STK25: variants seen among roughly 807,000 people sequenced by gnomAD.
The protein encoded by STK25 is serine/threonine kinase 25.
In STK25, 29 loss-of-function variants were observed where a neutral mutation model predicts 53.8. The observed-to-expected ratio is 0.54, with a 90% CI of 0.40 to 0.74. The LOEUF is 0.74. STK25 is among the 30% of genes least tolerant of loss of function. STK25 has a pLI of 0.00. For synonymous variants in STK25, 247 were observed against 238.3 expected (o/e 1.04, Z -0.33); for missense variants, 420 against 568.0 (o/e 0.74, Z 2.65).
rs2065008211 is a variant in STK25, at chr2:241,493,518, G to A, written c.*2144C>T. 9.6e-6 allele frequency: 14 copies of A among 1,464,256 alleles called. No homozygotes were observed. Among genetic ancestry groups the A allele is most frequent in the Non-Finnish European group, 1.3e-5 (14 of 1,050,898 alleles). The allele number at this position is 1,464,256 out of a possible 1,614,324, so 90.7% of individuals were successfully genotyped here. On this transcript the variant is annotated 3_prime_UTR_variant, in exon 12 of 12. Transcript: ENST00000316586. ...CTCAGCTCCCATTTCTACTCATGGT[G>A]GTGGAGGCAAGTTTTCTGGGCCCTG...
At chr2:241,508,335 CCTCCCGGTG>C in intron 1 of STK25, 99 bp downstream of exon 1, 1 of 1,190,794 alleles carries the variant, frequency 8.4e-7, no homozygotes. Flanking sequence ...AAGGCAGCTT[CCTCCCGGTG>C]CCCCCGCCCC....
chr2:241,506,336 G>A lies in STK25; in HGVS notation c.30+1670C>T, dbSNP rs554043033. ...GGACAAAAGGAGCTTCCTACCTTTGGAATCCCTTCTCCAATGTGCCCGCAC... is the reference window on the plus strand; with the variant it reads ...GGACAAAAGGAGCTTCCTACCTTTGAAATCCCTTCTCCAATGTGCCCGCAC... On this transcript the variant is annotated intron_variant, in intron 2 of 11. Transcript: ENST00000316586. 2.4e-4 allele frequency among the ~76,000 whole-genome samples: 36 copies of A among 152,320 alleles called. 1 individual carries two copies. The South Asian group carries it at 7.5e-3, about 32-fold the overall frequency.
At chr2:241,495,807 A>C (rs1054477822) in intron 11 of STK25, 106 bp from the exon 12 acceptor site, 1 of 1,168,732 alleles carries the variant, frequency 8.6e-7, no homozygotes, top group African/African-American at 1.5e-5. Flanking sequence ...AAGCCACCGC[A>C]CCACGTGGGT....
In STK25 at chr2:241,499,533, C is replaced by G. The variant is rs962792190; in HGVS notation, c.428-119G>C. 14 of 1,327,576 alleles carry G rather than the reference C, an allele frequency of 1.1e-5. No homozygotes were observed. In the Admixed American group the frequency reaches 2.7e-4, roughly 25 times the overall value. The allele number at this position is 1,327,576 out of a possible 1,614,324, so 82.2% of individuals were successfully genotyped here. The stretch of plus-strand genomic sequence containing the variant: ...TCCTAGGGCACAGCAGGGCTGTCCT[C>G]AGGACCTCAGCCCTCCTTGCCACTC... On this transcript the variant is annotated intron_variant, in intron 5 of 11. Transcript: ENST00000316586.
At chr2:241,499,724 T>C (rs1215606178) in intron 5 of STK25, 1 of 501,634 alleles carries the variant, frequency 2.0e-6, no homozygotes, top group East Asian at 3.7e-5. Flanking sequence ...ACCAAGGGTG[T>C]AGCCAACACG....
At chr2:241,500,053 A>G (rs2065414791) in intron 5 of STK25, 120 bp downstream of exon 5, 2 of 811,354 alleles carry the variant, frequency 2.5e-6, no homozygotes, top group Admixed American at 1.9e-5. Flanking sequence ...GGGTGGCCAC[A>G]AGGTTCTCTA....
chr2:241,501,225 C>T lies in STK25; in HGVS notation c.261+253G>A, dbSNP rs1485984160. On this transcript the variant is annotated intron_variant, in intron 3 of 11. Transcript: ENST00000316586. This position sits in a 1 kb window ranked among gnomAD's most constrained non-coding sequence, Gnocchi z 5.3. ...GCCCACTCACCACTGCCAGTAGGGG[C>T]CCCCCAGAGTGCTCCTAGCAGCGCC... 2 of 573,402 alleles carry T rather than the reference C, an allele frequency of 3.5e-6. No homozygotes were observed. The highest frequency in any genetic ancestry group is 6.3e-6 in the Non-Finnish European group (2 of 318,174). 35.5% of individuals were successfully genotyped at this position (573,402 alleles called of 1,614,324 possible). A position where few individuals can be genotyped will look rare whatever the true frequency, so the allele number is the denominator to read the frequency against.
rs1288321591 is a variant in STK25 at position 241,499,335 on chromosome 2, C to G, written c.507G>C (p.Gln169His). ...FGVAGQLTDT[Q>H]IKRNTFVGTP... ...TGCCCACGAATGTGTTCCTCTTAAT[C>G]TGCGTGTCTGTGAGCTGCCCTGCTA... is the stretch of plus-strand genomic sequence containing the variant. Residue 169 changes from glutamine (Q) to histidine (H), a missense_variant, in exon 6 of 12, where the codon CAG (glutamine) becomes CAC (histidine). Gln to His is a conservative substitution (Grantham distance 24, BLOSUM62 0). Coordinates refer to ENST00000316586, the MANE Select transcript of STK25 (RefSeq NM_001271977.2). 2 of 1,614,032 alleles carry G rather than the reference C, an allele frequency of 1.2e-6. No homozygotes were observed. Among genetic ancestry groups the G allele is most frequent in the South Asian group, 1.1e-5 (1 of 91,084 alleles).
chr2:241,507,429 C>T (rs376924711), intron 2 of STK25, among the ~76,000 whole-genome samples: 1 of 152,244 alleles, frequency 6.6e-6, no homozygotes, highest in South Asian at 2.1e-4. Context: ...GGGCAACCGC[C>T]CGTCGCAGGG....
At position 241,499,175 on chromosome 2, in the gene STK25, C is replaced by G; in HGVS notation, c.586-1G>C. The G allele has an allele frequency of 6.2e-7, 1 of 1,613,804 alleles. No homozygotes were observed. The highest frequency in any genetic ancestry group is 8.5e-7 in the Non-Finnish European group (1 of 1,179,838). ...TGATCCCCAGGGACCAGATGTCAGCCTGGACAGAACACAAGGACTGTTGCT... is the reference window on the plus strand; with the variant it reads ...TGATCCCCAGGGACCAGATGTCAGCGTGGACAGAACACAAGGACTGTTGCT... On this transcript the variant is annotated splice_acceptor_variant, in intron 6 of 11. Transcript: ENST00000316586. LOFTEE classifies it high-confidence loss of function.
At chr2:241,507,511 C>T (rs1241360585) in intron 2 of STK25, among the ~76,000 whole-genome samples, 1 of 152,242 alleles carries the variant, frequency 6.6e-6, no homozygotes, top group African/African-American at 2.4e-5. Context: ...CTCTGCTTTC[C>T]CTGCACACCG....
At position 241,508,087 on chromosome 2, in the gene STK25, C is replaced by T. The variant is rs749335093; in HGVS notation, c.-52G>A. On this transcript the variant is annotated 5_prime_UTR_variant, in exon 2 of 12. Transcript: ENST00000316586. ...AGCAGCCCCAGGAGGCGTCTGGATC[C>T]CGCGGAGAGGCGCGGAGCCGGCTAG... 6.4e-7 allele frequency: 1 copy of T among 1,569,020 alleles called. No individual in the cohort carries two copies. The highest frequency in any genetic ancestry group is 1.2e-5 in the South Asian group (1 of 85,170).
Position 241,500,440 on chromosome 2 carries a change from G to A in STK25, c.319-159C>T, listed in dbSNP as rs545381472. Among the ~76,000 whole-genome samples the A allele has an allele frequency of 6.6e-5, 10 of 152,256 alleles. No homozygotes were observed. The South Asian group carries it at 2.1e-3, about 32-fold the overall frequency. The stretch of plus-strand genomic sequence containing the variant: ...GAACTAAGTTTCAGATGGGAGTGGG[G>A]TGGTGGAGGCTCTTTCTAAAGCATA... On this transcript the variant is annotated intron_variant, in intron 4 of 11. Transcript: ENST00000316586.
chr2:241,497,618 C>T lies in STK25; in HGVS notation c.1102G>A (p.Glu368Lys). ...LSTLVRPVFG[E>K]LKEKHKQSGG... is the part of the protein sequence containing the mutation. ...CCCAGTCCCAGCCCCATCCTCACCT[C>T]TCCGAAGACGGGCCGGACCAGCGTG... is the stretch of plus-strand genomic sequence containing the variant. The change falls in exon 10 of 12, where the codon GAG becomes AAG. Residue 368 changes from glutamate (E) to lysine (K), a missense_variant and splice_region_variant. Physicochemically the swap from Glu to Lys is moderately conservative, Grantham distance 56. Coordinates refer to ENST00000316586, the MANE Select transcript of STK25 (RefSeq NM_001271977.2). 1 of 1,613,496 alleles carries T rather than the reference C, an allele frequency of 6.2e-7. No homozygotes were observed. Among genetic ancestry groups the T allele is most frequent in the African/African-American group, 1.3e-5 (1 of 75,072 alleles).
chr2:241,505,050 G>A (rs143170444), intron 2 of STK25, among the ~76,000 whole-genome samples: 91 of 151,704 alleles, frequency 6.0e-4, no homozygotes, highest in Middle Eastern at 3.4e-3. Flanking sequence ...CCGAGTAGCC[G>A]GACTTACAGG....
intron 2 of STK25, among the ~76,000 whole-genome samples, chr2:241,507,408 G>C (rs1186583182): frequency 6.6e-6 from 1 of 152,234 alleles, no homozygotes; most frequent in Non-Finnish European, 1.5e-5. Flanking sequence ...AGAAAGATGA[G>C]TCTCATGTTC....
Position 241,495,580 on chromosome 2 carries a change from A to G in STK25, c.*82T>C. The G allele has an allele frequency of 6.6e-7, 1 of 1,515,310 alleles. No homozygotes were observed. The highest frequency in any genetic ancestry group is 9.2e-7 in the Non-Finnish European group (1 of 1,090,486). The allele number at this position is 1,515,310 out of a possible 1,614,324, so 93.9% of individuals were successfully genotyped here. On this transcript the variant is annotated 3_prime_UTR_variant, in exon 12 of 12. Coordinates refer to ENST00000316586, the MANE Select transcript of STK25 (RefSeq NM_001271977.2). ...CTGCAGGCACGACATAGCACAGGGC[A>G]CCTTCCAAGTCAGCACAGTTCTTAT... is the stretch of plus-strand genomic sequence containing the variant.
At position 241,496,062 on chromosome 2, in the gene STK25, C is replaced by T. The variant is rs1268466842; in HGVS notation, c.1241+336G>A. Among the ~76,000 whole-genome samples the T allele has an allele frequency of 6.6e-6, 1 of 152,172 alleles. No homozygotes were observed. Among genetic ancestry groups the T allele is most frequent in the East Asian group, 1.9e-4 (1 of 5,194 alleles). On this transcript the variant is annotated intron_variant, in intron 11 of 11. Coordinates refer to ENST00000316586, the MANE Select transcript of STK25 (RefSeq NM_001271977.2). The surrounding 1 kb of genome is among the most constrained non-coding windows in gnomAD (Gnocchi z 5.8). ...CACAGGGGCAGCTCTGACGTTTTGC[C>T]ACCAGCGTGTCAGAGTAGCTCCCGG...
Position 241,494,031 on chromosome 2 carries a change from C to T in STK25, c.*1631G>A. 3.6e-6 allele frequency: 5 copies of T among 1,402,564 alleles called. No individual in the cohort carries two copies. The Admixed American group carries it at 1.5e-4, about 41-fold the overall frequency. The allele number at this position is 1,402,564 out of a possible 1,614,324, so 86.9% of individuals were successfully genotyped here. On this transcript the variant is annotated 3_prime_UTR_variant, in exon 12 of 12. Transcript: ENST00000316586. The surrounding 1 kb of genome is among the most constrained non-coding windows in gnomAD (Gnocchi z 4.9). ...AGGTGGATGGAGGTGATCCAGGGGG[C>T]CAGCAGCTCAGCCGGGAGGGCCCCA... is the stretch of plus-strand genomic sequence containing the variant.
Sources: gnomAD v4.1 joint callset for allele counts (sites outside exome capture counted in the v4.1 genomes callset) on GRCh38, gnomAD v4.1.1 for gene constraint, Gnocchi (gnomAD v3.1) non-coding constraint, MANE v1.5 for transcripts, NCBI Gene and HGNC (gene_info 2026-07-23, HGNC 2026-07-21) for gene names.